HIVEP3: variants seen among roughly 807,000 people sequenced by gnomAD.
HIVEP3 encodes transcription factor HIVEP3.
A neutral mutation model predicts 152.8 loss-of-function variants in HIVEP3; 49 were observed. The observed-to-expected ratio is 0.32, with a 90% confidence interval of 0.26 to 0.41. HIVEP3 has a LOEUF of 0.41. Ranked by LOEUF, HIVEP3 falls within the 10% of genes least tolerant of loss-of-function variation. HIVEP3 has a pLI of 1.00. For synonymous variants in HIVEP3, 1,269 were observed against 1,289.0 expected (o/e 0.98, Z 0.33); for missense variants, 2,790 against 3,103.3 (o/e 0.90, Z 2.40).
intron 1 of HIVEP3, among the ~76,000 whole-genome samples, chr1:41,781,432 C>A (rs968191328): frequency 1.3e-5 from 2 of 152,222 alleles, no homozygotes; most frequent in African/African-American, 4.8e-5. Flanking sequence ...ATCCAAATGG[C>A]TCCTGGGTCC....
chr1:41,717,095 T>C (rs1646606238), intron 1 of HIVEP3, among the ~76,000 whole-genome samples: 1 of 152,138 alleles, frequency 6.6e-6, no homozygotes, highest in African/African-American at 2.4e-5. Context: ...TGGTTTCCCA[T>C]GGTGAAGGCA....
At chr1:41,919,430 T>G (rs1006875174), upstream of HIVEP3, among the ~76,000 whole-genome samples, 9 of 152,358 alleles carry the variant, frequency 5.9e-5, no homozygotes, top group African/African-American at 1.2e-4. Context: ...TGCCTTGCTC[T>G]GCAGTCTCAG....
chr1:41,882,162 A>C (rs1444366126), intron 1 of HIVEP3, among the ~76,000 whole-genome samples: 2 of 152,126 alleles, frequency 1.3e-5, no homozygotes, highest in African/African-American at 4.8e-5. Flanking sequence ...AAACTGCTTG[A>C]TTTTCAGGAA....
intron 3 of HIVEP3, among the ~76,000 whole-genome samples, chr1:41,608,189 T>C (rs952560516): frequency 2.6e-5 from 4 of 152,206 alleles, no homozygotes; most frequent in Admixed American, 2.0e-4. Context: ...GTGGCAGTCA[T>C]GGAAAGGTTC....
chr1:41,622,047 C>A (rs1645054483), intron 3 of HIVEP3, among the ~76,000 whole-genome samples: 1 of 152,232 alleles, frequency 6.6e-6, no homozygotes, highest in Admixed American at 6.5e-5. Context: ...GCTTTCTAAG[C>A]TGACTGTGAG....
At chr1:41,512,794 G>T in intron 8 of HIVEP3, 22 bp downstream of exon 8, 1 of 1,461,886 alleles carries the variant, frequency 6.8e-7, no homozygotes, top group Non-Finnish European at 9.1e-7. Context: ...AAGCGGCCCA[G>T]CCACCAGGGG....
intron 1 of HIVEP3, among the ~76,000 whole-genome samples, chr1:42,008,902 A>C (rs181099006): frequency 4.7e-4 from 71 of 152,280 alleles, no homozygotes; most frequent in Non-Finnish European, 8.2e-4. Flanking sequence ...AAATTTGGTA[A>C]ATAAGTCTTC....
chr1:41,630,585 C>A (rs1327978853), intron 2 of HIVEP3, among the ~76,000 whole-genome samples: 1 of 152,158 alleles, frequency 6.6e-6, no homozygotes, highest in Non-Finnish European at 1.5e-5. Flanking sequence ...CTGACAGCAA[C>A]CCCGGCTGAT....
At chr1:41,932,297 G>GT (rs1292222825) in intron 1 of HIVEP3, among the ~76,000 whole-genome samples, 4 of 150,768 alleles carry the variant, frequency 2.7e-5, no homozygotes, top group Admixed American at 2.0e-4. Flanking sequence ...TTTTTGTTTT[G>GT]TTTTTTTGTT....
In HIVEP3 at chr1:41,583,201, G is replaced by T. The variant is rs764073694; in HGVS notation, c.1597C>A (p.Pro533Thr). 1 of 1,610,662 alleles carries T rather than the reference G, an allele frequency of 6.2e-7. No individual in the cohort carries two copies. The stretch of plus-strand genomic sequence containing the variant: ...TGGCTTCTCAGGAGAGGCACAGGGG[G>T]GGCGGTACTGGGCGGGTGCTGGAGG... ...LSLQHPPSTAPPVPLLRSHSM... is the reference protein window; with the variant it reads ...LSLQHPPSTATPVPLLRSHSM... Residue 533 changes from proline (P) to threonine (T), a missense_variant, in exon 4 of 9, where the codon CCC (proline) becomes ACC (threonine). By Grantham distance (38) the Pro-to-Thr change is conservative. Around this residue, in one of 9 missense-constraint regions of HIVEP3, gnomAD observed 339 missense variants for 327.0 expected, o/e 1.04. Coordinates refer to ENST00000372583, the MANE Select transcript of HIVEP3 (RefSeq NM_024503.5). The surrounding 1 kb of genome is among the most constrained non-coding windows in gnomAD (Gnocchi z 6.9).
intron 5 of HIVEP3, among the ~76,000 whole-genome samples, chr1:41,537,048 C>T (rs1410202054): frequency 6.6e-6 from 1 of 152,200 alleles, no homozygotes; most frequent in Non-Finnish European, 1.5e-5. Flanking sequence ...AGTAATTTCC[C>T]CAAGGTCATA....
upstream of HIVEP3, among the ~76,000 whole-genome samples, chr1:41,922,415 G>A (rs181926663): frequency 3.9e-5 from 6 of 152,048 alleles, no homozygotes; most frequent in East Asian, 1.2e-3. Flanking sequence ...AAAAAGAAAG[G>A]TATGTTCAAA....
chr1:41,906,140 T>G (rs1644706052), intron 1 of HIVEP3, among the ~76,000 whole-genome samples: 2 of 152,118 alleles, frequency 1.3e-5, no homozygotes, highest in Non-Finnish European at 1.5e-5. Context: ...AAACCCCGTC[T>G]CTACTAAAAA....
At chr1:42,000,335 C>G (rs1645419778) in intron 1 of HIVEP3, among the ~76,000 whole-genome samples, 1 of 152,168 alleles carries the variant, frequency 6.6e-6, no homozygotes, top group Non-Finnish European at 1.5e-5. Context: ...CCTTTGTAGC[C>G]CAGATTGGAC....
Position 41,623,779 on chromosome 1 carries a change from C to G in HIVEP3, c.-522+4970G>C, listed in dbSNP as rs142829599. On this transcript the variant is annotated intron_variant, in intron 3 of 8. Coordinates refer to ENST00000372583, the MANE Select transcript of HIVEP3 (RefSeq NM_024503.5). ...AACACGGCCCATGCTCCAGGCCCTC[C>G]TCCTCCTGTGCCAGCCCTGGTTTGG... 5.6e-3 allele frequency among the ~76,000 whole-genome samples: 853 copies of G among 152,334 alleles called. 3 individuals are homozygous for G. Among genetic ancestry groups the G allele is most frequent in the Non-Finnish European group, 9.0e-3 (612 of 68,028 alleles).
At chr1:41,604,648 C>T (rs1365521006) in intron 3 of HIVEP3, among the ~76,000 whole-genome samples, 1 of 152,200 alleles carries the variant, frequency 6.6e-6, no homozygotes, top group African/African-American at 2.4e-5. Flanking sequence ...TATGTCAGCA[C>T]CCTGATCTTA....
chr1:41,846,494 T>G (rs1054797978), intron 1 of HIVEP3, among the ~76,000 whole-genome samples: 7 of 152,208 alleles, frequency 4.6e-5, no homozygotes, highest in African/African-American at 1.7e-4. Flanking sequence ...GGCAATGCCG[T>G]CAAGGTTGTA....
intron 5 of HIVEP3, among the ~76,000 whole-genome samples, chr1:41,553,041 C>T (rs1373924004): frequency 1.3e-5 from 2 of 152,186 alleles, no homozygotes; most frequent in Middle Eastern, 6.4e-3. Flanking sequence ...GAGTTCACGT[C>T]CTGGATATCC....
chr1:41,615,452 T>C lies in HIVEP3; in HGVS notation c.-522+13297A>G, dbSNP rs1164418160. Among the ~76,000 whole-genome samples the C allele has an allele frequency of 2.0e-5, 3 of 151,956 alleles. No homozygotes were observed. The East Asian group carries it at 5.8e-4, about 29-fold the overall frequency. Reference sequence around the variant, plus strand: ...AGAGCTAGAGGGCACTTAAGTGGGGTCTAAAGTCCACGTTTGACAGGTGAA... The same window carrying C: ...AGAGCTAGAGGGCACTTAAGTGGGGCCTAAAGTCCACGTTTGACAGGTGAA... On this transcript the variant is annotated intron_variant, in intron 3 of 8. Transcript: ENST00000372583.
Sources: allele counts gnomAD v4.1 joint callset (sites outside exome capture counted in the v4.1 genomes callset), GRCh38; gene constraint gnomAD v4.1.1; regional missense constraint gnomAD v4.1.1; non-coding constraint Gnocchi (gnomAD v3.1); transcripts MANE v1.5; gene names NCBI Gene and HGNC (gene_info 2026-07-23, HGNC 2026-07-21).